INSL6: variants seen among roughly 807,000 people sequenced by gnomAD.
INSL6 encodes insulin-like peptide INSL6.
In INSL6, 16 loss-of-function variants were observed where a neutral mutation model predicts 9.4. The ratio of observed to expected loss-of-function variants is 1.70; its 90% confidence interval spans 1.15 to 2.59. The LOEUF (loss-of-function observed/expected upper bound fraction) is 2.59, where lower values mean the gene tolerates loss of function less well. Ranked by LOEUF, INSL6 falls within the 30% of genes most tolerant of loss-of-function variation. INSL6 has a pLI of 0.00. For synonymous variants in INSL6, 154 were observed against 96.9 expected (o/e 1.59, Z -3.46); for missense variants, 391 against 257.3 (o/e 1.52, Z -3.56).
intron 3 of INSL6, among the ~76,000 whole-genome samples, chr9:5,125,634 A>C (rs1823934780): frequency 6.6e-6 from 1 of 151,596 alleles, no homozygotes. Flanking sequence ...ATAGGGATGT[A>C]CATTTCATCA....
At chr9:5,165,029 G>A (rs372384388) in intron 1 of INSL6, among the ~76,000 whole-genome samples, 3 of 152,158 alleles carry the variant, frequency 2.0e-5, no homozygotes, top group East Asian at 1.9e-4. Context: ...CCAACATGGC[G>A]AAACCCTGTC....
At chr9:5,046,888 G>A in the INSL6 span, among the ~76,000 whole-genome samples, 1 of 152,146 alleles carries the variant, frequency 6.6e-6, no homozygotes, top group Non-Finnish European at 1.5e-5. Flanking sequence ...GGGTAGGCTA[G>A]TTAAGTCCCA....
At chr9:5,102,377 A>G in the INSL6 span, among the ~76,000 whole-genome samples, 18 of 152,354 alleles carry the variant, frequency 1.2e-4, 1 homozygote, top group African/African-American at 4.1e-4. Context: ...AGCCTACAAG[A>G]AATACAGGAC....
At chr9:5,179,889 G>A (rs907648108) in intron 1 of INSL6, among the ~76,000 whole-genome samples, 4 of 152,134 alleles carry the variant, frequency 2.6e-5, no homozygotes, top group African/African-American at 9.7e-5. Context: ...ATAGCTAATG[G>A]ATGCTGGGAT....
chr9:5,154,916 G>T (rs1482880722), intron 2 of INSL6, among the ~76,000 whole-genome samples: 1 of 152,084 alleles, frequency 6.6e-6, no homozygotes, highest in Non-Finnish European at 1.5e-5. Flanking sequence ...AGTCAGTGTG[G>T]CGATTCCTCA....
At chr9:4,995,213 A>G in the INSL6 span, among the ~76,000 whole-genome samples, 30 of 152,196 alleles carry the variant, frequency 2.0e-4, no homozygotes, top group South Asian at 2.3e-3. Context: ...CCCACTTTCT[A>G]TTGGATTTGT....
At chr9:5,138,608 A>C (rs1465707758) in intron 2 of INSL6, among the ~76,000 whole-genome samples, 1 of 152,030 alleles carries the variant, frequency 6.6e-6, no homozygotes, top group Non-Finnish European at 1.5e-5. Flanking sequence ...GAGCTATTGC[A>C]TTAGGAGAAA....
At chr9:5,009,916 G>T in the INSL6 span, among the ~76,000 whole-genome samples, 2 of 152,042 alleles carry the variant, frequency 1.3e-5, no homozygotes. Context: ...TACTACAGGT[G>T]CACACTACAT....
At chr9:5,080,732 G>T in the INSL6 span, 11 of 1,339,854 alleles carry the variant, frequency 8.2e-6, no homozygotes, top group Non-Finnish European at 1.0e-5. Flanking sequence ...TATCTTTATT[G>T]TATTTAATGA....
At chr9:5,034,155 T>G in the INSL6 span, among the ~76,000 whole-genome samples, 1 of 152,172 alleles carries the variant, frequency 6.6e-6, no homozygotes, top group Admixed American at 6.5e-5. Context: ...GGCCATTACA[T>G]AATGGTAAAG....
chr9:5,153,525 G>C (rs560630761), intron 2 of INSL6, among the ~76,000 whole-genome samples: 27 of 152,334 alleles, frequency 1.8e-4, no homozygotes, highest in African/African-American at 6.0e-4. Flanking sequence ...ATTAGGAAAA[G>C]AGGAAGTCAA....
the INSL6 span, chr9:5,097,077 T>A: frequency 6.6e-6 from 1 of 152,156 alleles, no homozygotes; most frequent in Non-Finnish European, 1.5e-5. Flanking sequence ...ACCTAACACA[T>A]GCAGGATCCT....
At chr9:5,053,007 T>C in the INSL6 span, among the ~76,000 whole-genome samples, 1 of 152,052 alleles carries the variant, frequency 6.6e-6, no homozygotes, top group Non-Finnish European at 1.5e-5. Flanking sequence ...TTCTTGTGCA[T>C]ATATTTAGGA....
chr9:5,103,886 C>G, the INSL6 span, among the ~76,000 whole-genome samples: 2 of 152,038 alleles, frequency 1.3e-5, no homozygotes, highest in South Asian at 2.1e-4. Context: ...AAAGACACAG[C>G]ATACCAGAAT....
intron 2 of INSL6, among the ~76,000 whole-genome samples, chr9:5,135,457 A>G (rs1030282721): frequency 6.6e-6 from 1 of 152,192 alleles, no homozygotes; most frequent in African/African-American, 2.4e-5. Flanking sequence ...AGAACTCAGG[A>G]TTAAGAAACT....
At chr9:5,109,614 T>C in the INSL6 span, 1 of 152,308 alleles carries the variant, frequency 6.6e-6, no homozygotes, top group South Asian at 2.1e-4. Context: ...AGCCATCACA[T>C]GCGCCTTCAC....
intron 1 of INSL6, among the ~76,000 whole-genome samples, chr9:5,165,061 A>G (rs1369264062): frequency 6.6e-6 from 1 of 152,210 alleles, no homozygotes; most frequent in Non-Finnish European, 1.5e-5. Flanking sequence ...CACACAAAAA[A>G]TTAGCCAGGC....
the INSL6 span, among the ~76,000 whole-genome samples, chr9:5,035,259 A>G: frequency 1.3e-5 from 2 of 152,214 alleles, no homozygotes; most frequent in Non-Finnish European, 2.9e-5. Flanking sequence ...CCAACCAAAA[A>G]AAGTCCAGGA....
chr9:5,060,859 T>C, the INSL6 span, among the ~76,000 whole-genome samples: 1 of 152,226 alleles, frequency 6.6e-6, no homozygotes. Flanking sequence ...AGCTTAGCCT[T>C]ACAAAATGTA....
Sources: allele counts gnomAD v4.1 joint callset (sites outside exome capture counted in the v4.1 genomes callset), GRCh38; gene constraint gnomAD v4.1.1; transcripts MANE v1.5; gene names NCBI Gene and HGNC (gene_info 2026-07-23, HGNC 2026-07-21).